Variants in DGKI observed in about 807,000 individuals in gnomAD.
The protein encoded by DGKI is DAG kinase iota.
Under a neutral mutation model 147.5 loss-of-function variants are expected in DGKI, and 55 were observed. The ratio of observed to expected loss-of-function variants is 0.37; its 90% CI spans 0.30 to 0.47. DGKI has a LOEUF of 0.47. Ranked by LOEUF, DGKI falls within the 20% of genes least tolerant of loss-of-function variation. The pLI, the probability that DGKI is intolerant of heterozygous loss-of-function variation, is 1.00. For missense variants in DGKI, 1,007 were observed against 1,323.8 expected (o/e 0.76, Z 3.71); for synonymous variants, 469 against 477.1 (o/e 0.98, Z 0.22).
At chr7:137,484,099 G>A (rs1228915564) in intron 23 of DGKI, among the ~76,000 whole-genome samples, 3 of 152,014 alleles carry the variant, frequency 2.0e-5, no homozygotes, top group African/African-American at 7.2e-5. Flanking sequence ...TTCAAGGCCA[G>A]ACAGATGGAA....
intron 1 of DGKI, among the ~76,000 whole-genome samples, chr7:137,830,977 A>C (rs1798201185): frequency 6.6e-6 from 1 of 152,226 alleles, no homozygotes; most frequent in Non-Finnish European, 1.5e-5. Context: ...ATAACTACTC[A>C]GAGTTGTTGT....
chr7:137,418,334 C>T (rs1361853065), intron 28 of DGKI, among the ~76,000 whole-genome samples: 32 of 152,112 alleles, frequency 2.1e-4, no homozygotes, highest in Admixed American at 2.1e-3. Flanking sequence ...CATTAAGGTA[C>T]CTGGACATCT....
rs1813794805 is a variant in DGKI at position 137,448,332 on chromosome 7, A to T, written c.2736-4230T>A. 4.6e-5 allele frequency among the ~76,000 whole-genome samples: 7 copies of T among 151,814 alleles called. 1 individual carries two copies. In the South Asian group the frequency reaches 1.5e-3, roughly 32 times the overall value. ...AAAAAAAAAAAAACTCACCCAATGC[A>T]AATATTACAAGTAATAACAGAAAAG... On this transcript the variant is annotated intron_variant, in intron 27 of 32. Coordinates refer to ENST00000614521, the MANE Select transcript of DGKI (RefSeq NM_001321708.2).
At chr7:137,505,985 AG>A (rs1452036512) in intron 21 of DGKI, among the ~76,000 whole-genome samples, 13 of 152,328 alleles carry the variant, frequency 8.5e-5, no homozygotes, top group African/African-American at 3.1e-4. Flanking sequence ...GTGGAGCAAT[AG>A]GAACATTCAT....
At chr7:137,507,957 G>T (rs528388801) in intron 21 of DGKI, among the ~76,000 whole-genome samples, 1 of 152,260 alleles carries the variant, frequency 6.6e-6, no homozygotes, top group South Asian at 2.1e-4. Flanking sequence ...AATTATCTCA[G>T]ACCACCCTTA....
At chr7:137,754,932 C>T (rs1225703756) in intron 1 of DGKI, among the ~76,000 whole-genome samples, 3 of 152,134 alleles carry the variant, frequency 2.0e-5, no homozygotes, top group East Asian at 3.9e-4. Context: ...GTTTGACAGA[C>T]GCATAAAAGC....
intron 1 of DGKI, among the ~76,000 whole-genome samples, chr7:137,835,770 T>C (rs1220716313): frequency 6.6e-6 from 1 of 152,216 alleles, no homozygotes. Flanking sequence ...GTGAGATTAA[T>C]TCAAGTAAGT....
At chr7:137,466,606 G>C (rs949994429) in intron 25 of DGKI, among the ~76,000 whole-genome samples, 10 of 152,102 alleles carry the variant, frequency 6.6e-5, no homozygotes, top group Non-Finnish European at 1.3e-4. Flanking sequence ...ATGAAATTTG[G>C]CTAAAAAGGA....
chr7:137,832,712 C>G (rs1798254067), intron 1 of DGKI, among the ~76,000 whole-genome samples: 1 of 152,216 alleles, frequency 6.6e-6, no homozygotes, highest in Admixed American at 6.5e-5. Flanking sequence ...ATTACTTATG[C>G]AAATTTCTGC....
At chr7:137,721,576 C>T (rs1448329130) in intron 1 of DGKI, among the ~76,000 whole-genome samples, 2 of 152,186 alleles carry the variant, frequency 1.3e-5, no homozygotes, top group East Asian at 3.9e-4. Flanking sequence ...CCCTGCCCTC[C>T]ACCTGCTTGC....
chr7:137,846,719 G>C lies in DGKI; in HGVS notation c.144C>G (p.Ala48=). 2.0e-6 allele frequency: 2 copies of C among 1,023,478 alleles called. No individual in the cohort carries two copies. The highest frequency in any genetic ancestry group is 2.3e-6 in the Non-Finnish European group (2 of 856,322). The allele number at this position is 1,023,478 out of a possible 1,614,324, so 63.4% of individuals were successfully genotyped here. Residue 48 remains alanine (A), a synonymous_variant, in exon 1 of 33, where the codon GCC becomes GCG. Coordinates refer to ENST00000614521, the MANE Select transcript of DGKI (RefSeq NM_001321708.2). The surrounding 1 kb of genome is among the most constrained non-coding windows in gnomAD (Gnocchi z 4.0). The part of the protein sequence containing the change: ...SGAACAPSAA[A]GAGAMNPSSS... Reference sequence around the variant, plus strand: ...AGCTGGGGTTCATGGCGCCCGCTCCGGCGGCCGCGGAGGGAGCGCAGGCGG... The same window carrying C: ...AGCTGGGGTTCATGGCGCCCGCTCCCGCGGCCGCGGAGGGAGCGCAGGCGG...
chr7:137,818,361 G>T (rs1797799440), intron 1 of DGKI, among the ~76,000 whole-genome samples: 1 of 152,198 alleles, frequency 6.6e-6, no homozygotes, highest in African/African-American at 2.4e-5. Flanking sequence ...TAAGCTTTGT[G>T]TATCTGTACA....
chr7:137,431,776 C>T (rs1472783904), intron 28 of DGKI, among the ~76,000 whole-genome samples: 1 of 152,230 alleles, frequency 6.6e-6, no homozygotes, highest in Non-Finnish European at 1.5e-5. Context: ...GCTCAGCCTG[C>T]TCCAGGGGGA....
Position 137,391,070 on chromosome 7 carries a change from C to G in DGKI, c.*150G>C. On this transcript the variant is annotated 3_prime_UTR_variant, in exon 33 of 33. Transcript: ENST00000614521. Reference sequence around the variant, plus strand: ...TGTTCTGTTGTACATCTTGGTAGCCCTTAAAAGCTAGTGGCATGGTCTCAG... The same window carrying G: ...TGTTCTGTTGTACATCTTGGTAGCCGTTAAAAGCTAGTGGCATGGTCTCAG... 1.4e-6 allele frequency: 1 copy of G among 691,714 alleles called. No individual in the cohort carries two copies. The highest frequency in any genetic ancestry group is 2.6e-6 in the Non-Finnish European group (1 of 388,510). 42.8% of individuals were successfully genotyped at this position (691,714 alleles called of 1,614,324 possible).
chr7:137,586,744 C>T (rs557897872), intron 13 of DGKI, among the ~76,000 whole-genome samples: 28 of 152,268 alleles, frequency 1.8e-4, no homozygotes, highest in African/African-American at 5.1e-4. Context: ...GATGTGCTAT[C>T]CTAGCTGGGG....
intron 1 of DGKI, among the ~76,000 whole-genome samples, chr7:137,784,509 G>A (rs1796608794): frequency 6.6e-6 from 1 of 151,886 alleles, no homozygotes; most frequent in South Asian, 2.1e-4. Context: ...GAGATAGATG[G>A]CAATATAATA....
chr7:137,587,176 T>C lies in DGKI; in HGVS notation c.1346A>G (p.Gln449Arg), dbSNP rs1366411496. The change falls in exon 13 of 33, where the codon CAG (glutamine) becomes CGG (arginine). Residue 449 changes from glutamine to arginine, a missense_variant. Gln to Arg is a conservative substitution (Grantham distance 43). Around this residue, in one of 5 missense-constraint regions of DGKI, gnomAD observed 224 missense variants for 382.7 expected, o/e 0.59. Transcript: ENST00000614521. ...CCCCACAGGAGGCTGAGGGCTCAGC[T>C]GCAGTTCATCCAGGATGGAAAGGAT... ...GWILSILDEL[Q>R]LSPQPPVGVL... 31 of 1,613,046 alleles carry C rather than the reference T, an allele frequency of 1.9e-5. No individual in the cohort carries two copies. The highest frequency in any genetic ancestry group is 2.5e-5 in the Non-Finnish European group (30 of 1,179,654).
intron 5 of DGKI, among the ~76,000 whole-genome samples, chr7:137,654,406 G>A (rs58572040): frequency 0.073 from 11,049 of 152,102 alleles, 1,091 homozygotes; most frequent in African/African-American, 0.23. Flanking sequence ...GCAACAGAGC[G>A]ACACTCTGTC....
At chr7:137,789,350 A>C (rs1796775876) in intron 1 of DGKI, among the ~76,000 whole-genome samples, 1 of 152,194 alleles carries the variant, frequency 6.6e-6, no homozygotes, top group South Asian at 2.1e-4. Flanking sequence ...CCCACTCCCC[A>C]TGCTACCCTC....
Sources: allele counts gnomAD v4.1 joint callset (sites outside exome capture counted in the v4.1 genomes callset), GRCh38; gene constraint gnomAD v4.1.1; regional missense constraint gnomAD v4.1.1; non-coding constraint Gnocchi (gnomAD v3.1); transcripts MANE v1.5; gene names NCBI Gene and HGNC (gene_info 2026-07-23, HGNC 2026-07-21).